The following RSPO2 variants were observed in gnomAD, a reference collection of about 807,000 sequenced individuals.
RSPO2 encodes the protein R-spondin-2.
In RSPO2, 14 loss-of-function variants were observed where a neutral mutation model predicts 30.9. That is an observed-to-expected ratio of 0.45 (90% CI 0.30 to 0.71). RSPO2 has a LOEUF of 0.71. Among genes scored for constraint, RSPO2 ranks in the 30% least tolerant of loss-of-function variants. RSPO2 has a pLI of 0.08. For missense variants in RSPO2, 264 were observed against 301.9 expected (o/e 0.87, Z 0.93); for synonymous variants, 107 against 96.4 (o/e 1.11, Z -0.64).
At chr8:107,975,969 T>C (rs1814194822) in intron 3 of RSPO2, among the ~76,000 whole-genome samples, 1 of 152,196 alleles carries the variant, frequency 6.6e-6, no homozygotes, top group Non-Finnish European at 1.5e-5. Context: ...GGCCAGGGTA[T>C]TAACCAGCTG....
chr8:107,964,822 A>G (rs2437004), intron 3 of RSPO2, among the ~76,000 whole-genome samples: 74,434 of 151,952 alleles, frequency 0.49, 21,083 homozygotes, highest in East Asian at 0.68. Flanking sequence ...AACTCTATTA[A>G]CTCATTTTTA....
intron 3 of RSPO2, among the ~76,000 whole-genome samples, chr8:107,969,920 A>C (rs1813937820): frequency 6.6e-6 from 1 of 152,152 alleles, no homozygotes; most frequent in South Asian, 2.1e-4. Flanking sequence ...TCAGACCTGC[A>C]TCTTAGTTGG....
chr8:108,058,124 G>A (rs1001943578), intron 2 of RSPO2, among the ~76,000 whole-genome samples: 2 of 131,142 alleles, frequency 1.5e-5, no homozygotes, highest in Non-Finnish European at 3.2e-5. Flanking sequence ...GTCATAGATA[G>A]CTCTTATTGA....
intron 2 of RSPO2, among the ~76,000 whole-genome samples, chr8:108,043,710 G>T (rs1156558150): frequency 1.3e-5 from 2 of 152,142 alleles, no homozygotes; most frequent in African/African-American, 4.8e-5. Flanking sequence ...CAACTTGGCT[G>T]AACTTTACAA....
chr8:107,921,969 CTAT>C (rs1380544466), intron 5 of RSPO2, among the ~76,000 whole-genome samples: 1 of 152,086 alleles, frequency 6.6e-6, no homozygotes, highest in South Asian at 2.1e-4. Flanking sequence ...TAAGAGCCAT[CTAT>C]GACAAATCCA....
Position 108,038,835 on chromosome 8 carries a change from TA to T in RSPO2, c.94+43709del, listed in dbSNP as rs1811671137. 2.6e-5 allele frequency among the ~76,000 whole-genome samples: 4 copies of T among 152,268 alleles called. No homozygotes were observed. In the South Asian group the frequency reaches 8.3e-4, roughly 32 times the overall value. ...TTTCGACATAAGGCTATTGGCTACT[TA>T]ATAGACTACAGCACAGTGTAAACAT... On this transcript the variant is annotated intron_variant, in intron 2 of 5. Transcript: ENST00000276659.
At chr8:107,947,037 T>C (rs908530135) in intron 5 of RSPO2, among the ~76,000 whole-genome samples, 3 of 152,242 alleles carry the variant, frequency 2.0e-5, no homozygotes, top group African/African-American at 7.2e-5. Context: ...AATACATTGC[T>C]TCTCACTTCA....
intron 2 of RSPO2, among the ~76,000 whole-genome samples, chr8:108,062,195 C>G (rs1812491882): frequency 6.6e-6 from 1 of 151,718 alleles, no homozygotes; most frequent in African/African-American, 2.4e-5. Context: ...CAGAGCAGAA[C>G]TGAAGGAGAT....
At chr8:107,987,223 A>C (rs1465916850) in intron 3 of RSPO2, among the ~76,000 whole-genome samples, 1 of 144,022 alleles carries the variant, frequency 6.9e-6, no homozygotes, top group Non-Finnish European at 1.5e-5. Flanking sequence ...TATTACCCAC[A>C]AAAAAAATCA....
rs374326713 is a variant in RSPO2 at position 107,901,096 on chromosome 8, A to G, written c.711T>C (p.Ala237=). ...TGTTTTATTGGTTAGCTCTGTCTGT[A>G]GCTAGGAAGACGCTGTGTTGCTCCT... ...RAQEQHSVFL[A]TDRANQ Residue 237 remains alanine (A), a synonymous_variant, in exon 6 of 6, where the codon GCT becomes GCC. Coordinates refer to ENST00000276659, the MANE Select transcript of RSPO2 (RefSeq NM_178565.5). The G allele has an allele frequency of 1.1e-5, 18 of 1,614,056 alleles. No individual in the cohort carries two copies. Among genetic ancestry groups the G allele is most frequent in the Non-Finnish European group, 1.5e-5 (18 of 1,179,998 alleles).
At chr8:107,968,995 T>C (rs930109466) in intron 3 of RSPO2, among the ~76,000 whole-genome samples, 1 of 152,130 alleles carries the variant, frequency 6.6e-6, no homozygotes, top group Non-Finnish European at 1.5e-5. Context: ...CAATCATTTG[T>C]TGGGTACCTA....
chr8:107,947,268 C>A (rs1813093914), intron 5 of RSPO2, among the ~76,000 whole-genome samples: 1 of 152,114 alleles, frequency 6.6e-6, no homozygotes, highest in African/African-American at 2.4e-5. Context: ...TCAGAGTACT[C>A]CAAGCTGGCT....
At chr8:108,083,006 A>T (rs1813261517) in intron 1 of RSPO2, 191 bp downstream of exon 1, 3 of 223,012 alleles carry the variant, frequency 1.3e-5, no homozygotes, top group Non-Finnish European at 2.6e-5. Flanking sequence ...ATAATCAGTG[A>T]ATTAGCAACC....
At chr8:107,992,345 G>T (rs1814877059) in intron 2 of RSPO2, among the ~76,000 whole-genome samples, 1 of 152,102 alleles carries the variant, frequency 6.6e-6, no homozygotes, top group African/African-American at 2.4e-5. Flanking sequence ...ATAAGTGGGA[G>T]CTTAATGATG....
intron 2 of RSPO2, among the ~76,000 whole-genome samples, chr8:108,071,173 A>G (rs1812832789): frequency 6.6e-6 from 1 of 152,234 alleles, no homozygotes; most frequent in Non-Finnish European, 1.5e-5. Flanking sequence ...TCCCCTCTGC[A>G]TAGAGAACAA....
chr8:108,013,301 C>T (rs1300161224), intron 2 of RSPO2, among the ~76,000 whole-genome samples: 1 of 152,022 alleles, frequency 6.6e-6, no homozygotes, highest in East Asian at 1.9e-4. Flanking sequence ...ACTTTTCCAC[C>T]ACTGTTAATA....
chr8:108,065,404 G>C (rs574285870), intron 2 of RSPO2, among the ~76,000 whole-genome samples: 1 of 151,668 alleles, frequency 6.6e-6, no homozygotes, highest in South Asian at 2.1e-4. Flanking sequence ...ATTAAATATT[G>C]TATATTCATA....
At chr8:107,998,304 T>G (rs571916612) in intron 2 of RSPO2, among the ~76,000 whole-genome samples, 1 of 152,050 alleles carries the variant, frequency 6.6e-6, no homozygotes, top group South Asian at 2.1e-4. Context: ...AGAAATCAAG[T>G]TGGATACATT....
intron 3 of RSPO2, among the ~76,000 whole-genome samples, chr8:107,987,911 C>CAT (rs1047485985): frequency 2.6e-5 from 4 of 151,978 alleles, no homozygotes; most frequent in South Asian, 2.1e-4. Flanking sequence ...TTAATTATCT[C>CAT]ATATATATAT....
Sources: gnomAD v4.1 joint callset for allele counts (sites outside exome capture counted in the v4.1 genomes callset) on GRCh38, gnomAD v4.1.1 for gene constraint, MANE v1.5 for transcripts, NCBI Gene and HGNC (gene_info 2026-07-23, HGNC 2026-07-21) for gene names.